The following SPG7 variants were observed in gnomAD, a reference collection of about 807,000 sequenced individuals.
The protein encoded by SPG7 is mitochondrial inner membrane m-AAA protease component paraplegin.
A neutral mutation model predicts 81.9 loss-of-function variants in SPG7; 103 were observed. The observed-to-expected ratio is 1.26, with a 90% CI of 1.07 to 1.48. The LOEUF (loss-of-function observed/expected upper bound fraction) is 1.48, where lower values mean the gene tolerates loss of function less well. Ranked by LOEUF, SPG7 falls within the 40% of genes most tolerant of loss-of-function variation. The pLI, the probability that SPG7 is intolerant of heterozygous loss-of-function variation, is 0.00. For missense variants in SPG7, 1,241 were observed against 1,087.3 expected, an observed-to-expected ratio of 1.14 and a Z score of -1.99; for synonymous variants, 534 against 444.2, an observed-to-expected ratio of 1.20 and a Z score of -2.54.
intron 12 of SPG7, chr16:89,549,746 T>C (rs2058610763): frequency 1.8e-5 from 3 of 165,468 alleles, no homozygotes; most frequent in Admixed American, 5.6e-5. Context: ...CAGAAAGTGA[T>C]GGGGATGGGA....
rs1239575510 is a variant in SPG7, at chr16:89,531,808, C to T, written c.988-96C>T. ...CAGTGAGCTATCATGGCACCCACTG[C>T]ACTCCAGCCTGCGTGACCCAGAGAG... On this transcript the variant is annotated intron_variant, in intron 7 of 16. Transcript: ENST00000645818. The T allele has an allele frequency of 3.2e-6, 4 of 1,258,220 alleles. No individual in the cohort carries two copies. In the African/African-American group the frequency reaches 4.4e-5, roughly 14 times the overall value. 77.9% of individuals were successfully genotyped at this position (1,258,220 alleles called of 1,614,324 possible).
Position 89,550,479 on chromosome 16 carries a change from C to A in SPG7, c.1664-15C>A, listed in dbSNP as rs80292600. 3.3e-3 allele frequency: 5,178 copies of A among 1,593,080 alleles called. 148 individuals carry two copies. In the African/African-American group the frequency reaches 0.061, roughly 19 times the overall value. On this transcript the variant is annotated splice_polypyrimidine_tract_variant and intron_variant, in intron 12 of 16. Transcript: ENST00000645818. ...TGAGCCACCGCGCCCAACTCATACC[C>A]CGGCATTCTTTCAGGGACTGCCAAA...
chr16:89,544,985 G>A, intron 10 of SPG7: 2 of 624,206 alleles, frequency 3.2e-6, no homozygotes, highest in Non-Finnish European at 5.8e-6. Context: ...CACATTGGCT[G>A]CACGCCCCCT....
intron 16 of SPG7, 123 bp downstream of exon 16, chr16:89,554,686 T>C (rs2058669528): frequency 1.4e-6 from 1 of 713,168 alleles, no homozygotes; most frequent in East Asian, 2.7e-5. Flanking sequence ...CTCTGACCGA[T>C]GTGAATTCTA....
intron 6 of SPG7, 64 bp downstream of exon 6, chr16:89,529,643 C>A: frequency 8.1e-7 from 1 of 1,235,530 alleles, no homozygotes; most frequent in Admixed American, 1.9e-5. Flanking sequence ...ATACTTTTCC[C>A]ATAAGCTATA....
intron 10 of SPG7, 26 bp from the exon 11 acceptor site, chr16:89,546,632 T>G (rs1459873683): frequency 6.6e-7 from 1 of 1,521,146 alleles, no homozygotes; most frequent in East Asian, 2.3e-5. Flanking sequence ...TGAGCCCGAC[T>G]GTCTTTCCTC....
intron 5 of SPG7, chr16:89,526,762 C>G (rs141882852): frequency 5.2e-6 from 2 of 382,928 alleles, no homozygotes; most frequent in Non-Finnish European, 1.0e-5. Context: ...ATGTAGATGC[C>G]GAAGTCTCAG....
intron 9 of SPG7, chr16:89,536,693 C>T (rs1039819861): frequency 5.1e-6 from 8 of 1,581,682 alleles, no homozygotes; most frequent in African/African-American, 2.7e-5. Flanking sequence ...CGGGCGGCTG[C>T]GCTGCTCTGG....
At chr16:89,527,337 G>A (rs578079836) in intron 5 of SPG7, 1 of 152,382 alleles carries the variant, frequency 6.6e-6, no homozygotes, top group African/African-American at 2.4e-5. Flanking sequence ...TTCACTGACT[G>A]TGCTCTTTGA....
chr16:89,550,665 C>G (rs1176923270), intron 13 of SPG7, 56 bp downstream of exon 13: 2 of 1,206,388 alleles, frequency 1.7e-6, no homozygotes, highest in South Asian at 2.4e-5. Flanking sequence ...GGTGGGGAGT[C>G]CCGCCTGTGT....
intron 9 of SPG7, chr16:89,537,341 C>T: frequency 1.7e-6 from 2 of 1,173,992 alleles, no homozygotes; most frequent in South Asian, 2.3e-5. Context: ...CGATGGACGT[C>T]CAGGTCCCGG....
At chr16:89,537,198 C>T (rs572222764) in intron 9 of SPG7, 16 of 1,430,566 alleles carry the variant, frequency 1.1e-5, no homozygotes, top group Non-Finnish European at 1.2e-5. Context: ...CTGTGCCGGT[C>T]GTGGGGAAAT....
At chr16:89,536,630 G>A (rs2058427360) in intron 9 of SPG7, 2 of 1,044,634 alleles carry the variant, frequency 1.9e-6, no homozygotes, top group African/African-American at 1.6e-5. Flanking sequence ...GGTGAGGGCG[G>A]GTGAGGCGGG....
At chr16:89,541,459 T>A in intron 9 of SPG7, 1 of 474,312 alleles carries the variant, frequency 2.1e-6, no homozygotes, top group Non-Finnish European at 2.8e-6. Flanking sequence ...AGGGGAGGTC[T>A]CCAGGGAGGA....
At chr16:89,532,435 T>C in intron 8 of SPG7, 28 bp from the exon 9 acceptor site, 1 of 1,612,824 alleles carries the variant, frequency 6.2e-7, no homozygotes, top group East Asian at 2.2e-5. Flanking sequence ...TAACTGCCCA[T>C]TTCCTGATTC....
At chr16:89,518,558 C>T (rs1427308427) in intron 3 of SPG7, 2 of 151,378 alleles carry the variant, frequency 1.3e-5, no homozygotes, top group Admixed American at 1.3e-4. Context: ...AAAAAAGACT[C>T]CGCTCACTGA....
At chr16:89,551,608 C>T (rs573990182) in intron 13 of SPG7, 3 of 152,238 alleles carry the variant, frequency 2.0e-5, no homozygotes, top group Admixed American at 1.3e-4. Flanking sequence ...GACGTTTTAA[C>T]ACGGTATGTC....
intron 9 of SPG7, chr16:89,533,123 C>T: frequency 5.9e-6 from 1 of 168,826 alleles, no homozygotes; most frequent in South Asian, 1.1e-4. Flanking sequence ...AAGGTCAAGA[C>T]AATAGTAAAA....
chr16:89,524,222 C>G lies in SPG7; in HGVS notation c.593C>G (p.Pro198Arg). 6.2e-7 allele frequency: 1 copy of G among 1,612,432 alleles called. No individual in the cohort carries two copies. The highest frequency in any genetic ancestry group is 8.5e-7 in the Non-Finnish European group (1 of 1,179,406). ...ESDVVEVYLH[P>R]GAVVFGRPRL... is the part of the protein sequence containing the mutation. ...GACGTGGTGGAAGTCTACCTGCACC[C>G]TGGAGCCGTGGTGTTTGGGCGGCCT... Residue 198 changes from proline (P) to arginine (R), a missense_variant, in exon 4 of 17, where the codon CCT (proline) becomes CGT (arginine). By Grantham distance (103) the Pro-to-Arg change is moderately radical. Coordinates refer to ENST00000645818, the MANE Select transcript of SPG7 (RefSeq NM_003119.4).
Sources: gnomAD v4.1 joint callset for allele counts on GRCh38, gnomAD v4.1.1 for gene constraint, MANE v1.5 for transcripts, NCBI Gene and HGNC (gene_info 2026-07-23, HGNC 2026-07-21) for gene names.